The following CACNB2 variants were observed in gnomAD, a reference collection of about 807,000 sequenced individuals.
CACNB2 encodes the protein voltage-dependent L-type calcium channel subunit beta-2.
Under a neutral mutation model 73.3 loss-of-function variants are expected in CACNB2, and 42 were observed. The observed-to-expected ratio is 0.57, with a 90% CI of 0.45 to 0.74. The LOEUF is 0.74. Among genes scored for constraint, CACNB2 ranks in the 30% least tolerant of loss-of-function variants. CACNB2 has a pLI of 0.00. For synonymous variants in CACNB2, 348 were observed against 310.3 expected (o/e 1.12, Z -1.28); for missense variants, 940 against 853.0 (o/e 1.10, Z -1.27).
At chr10:18,406,634 G>C (rs1170451329) in intron 3 of CACNB2, among the ~76,000 whole-genome samples, 1 of 152,126 alleles carries the variant, frequency 6.6e-6, no homozygotes, top group African/African-American at 2.4e-5. Context: ...AACAAGCTCA[G>C]GGTTCCTACT....
chr10:18,164,876 C>T (rs2032739219), intron 2 of CACNB2, among the ~76,000 whole-genome samples: 1 of 152,176 alleles, frequency 6.6e-6, no homozygotes, highest in African/African-American at 2.4e-5. Flanking sequence ...CTTCCTGACT[C>T]TGCTAGACTT....
At chr10:18,382,455 T>A (rs1414269316) in intron 2 of CACNB2, among the ~76,000 whole-genome samples, 2 of 152,270 alleles carry the variant, frequency 1.3e-5, no homozygotes, top group East Asian at 3.9e-4. Context: ...ATGTGTGCCA[T>A]GGTGGTTTGC....
chr10:18,492,503 C>T (rs1023695797), intron 3 of CACNB2, among the ~76,000 whole-genome samples: 1 of 151,666 alleles, frequency 6.6e-6, no homozygotes. Flanking sequence ...CGCCTGTAGT[C>T]CCAACTACTT....
At chr10:18,145,815 A>G (rs2030908055) in intron 1 of CACNB2, among the ~76,000 whole-genome samples, 1 of 152,138 alleles carries the variant, frequency 6.6e-6, no homozygotes, top group Non-Finnish European at 1.5e-5. Flanking sequence ...ACATCACTTA[A>G]AGGAACCGGG....
At position 18,140,885 on chromosome 10, in the gene CACNB2, C is replaced by T. The variant is rs1187612593; in HGVS notation, c.120+29C>T. ...GCGAGAGCGCGGCGCCTTCTCCTTCCTTTGTGAGCCGCCGGGCAGGGCACC... is the reference window on the plus strand; with the variant it reads ...GCGAGAGCGCGGCGCCTTCTCCTTCTTTTGTGAGCCGCCGGGCAGGGCACC... On this transcript the variant is annotated intron_variant, in intron 1 of 13. Coordinates refer to ENST00000324631, the MANE Select transcript of CACNB2 (RefSeq NM_201596.3). 5 of 1,574,738 alleles carry T rather than the reference C, an allele frequency of 3.2e-6. No homozygotes were observed. In the Admixed American group the frequency reaches 5.6e-5, roughly 18 times the overall value.
In CACNB2 at chr10:18,177,108, C is replaced by T. The variant is rs1344649574; in HGVS notation, c.213+26133C>T. Among the ~76,000 whole-genome samples, 3 of 152,100 alleles carry T rather than the reference C, an allele frequency of 2.0e-5. No homozygotes were observed. The East Asian group carries it at 5.8e-4, about 29-fold the overall frequency. On this transcript the variant is annotated intron_variant, in intron 2 of 13. Coordinates refer to ENST00000324631, the MANE Select transcript of CACNB2 (RefSeq NM_201596.3). ...TTGCAAAGACATTTAGCAAGGAGAA[C>T]ATACAGAAGCAGAAGTGCCTGTTAG...
intron 3 of CACNB2, among the ~76,000 whole-genome samples, chr10:18,404,567 C>G (rs1222049305): frequency 6.6e-6 from 1 of 152,140 alleles, no homozygotes; most frequent in South Asian, 2.1e-4. Context: ...TCGTAACCAT[C>G]GAAGCATCTC....
rs2053969645 is a variant in CACNB2, at chr10:18,539,801, T to TG, written c.*81dup. On this transcript the variant is annotated 3_prime_UTR_variant, in exon 14 of 14. Transcript: ENST00000324631. ...AACAGCATCCCCAAAACAAAGTCTT[T>TG]GGGGTCTACACTGCAATCATATGTG... The TG allele has an allele frequency of 3.4e-6, 5 of 1,453,036 alleles. No individual in the cohort carries two copies. Among genetic ancestry groups the TG allele is most frequent in the Non-Finnish European group, 3.8e-6 (4 of 1,058,188 alleles). 90.0% of individuals were successfully genotyped at this position (1,453,036 alleles called of 1,614,324 possible). A position where few individuals can be genotyped will look rare whatever the true frequency, so the allele number is the denominator to read the frequency against.
chr10:18,356,277 A>G (rs538707672), intron 2 of CACNB2, among the ~76,000 whole-genome samples: 120 of 152,272 alleles, frequency 7.9e-4, no homozygotes, highest in African/African-American at 2.6e-3. Flanking sequence ...ACTTTGCATC[A>G]CGCTAGCTCT....
chr10:18,532,706 A>C lies in CACNB2; in HGVS notation c.1055-1370A>C, dbSNP rs11014694. Among the ~76,000 whole-genome samples the C allele has an allele frequency of 6.6e-3, 429 of 64,828 alleles. 2 individuals carry two copies. In the East Asian group the frequency reaches 0.14, roughly 21 times the overall value. The allele number at this position is 64,828 out of a possible 152,430, so 42.5% of individuals were successfully genotyped here. A position where few individuals can be genotyped will look rare whatever the true frequency, so the allele number is the denominator to read the frequency against. On this transcript the variant is annotated intron_variant, in intron 10 of 13. Transcript: ENST00000324631. ...AAAAAAAAAAAAAAAACAAAACAAA[A>C]AAACAAACAAACAAAAAAAACAAAA...
At chr10:18,483,623 A>T (rs1195026199) in intron 3 of CACNB2, among the ~76,000 whole-genome samples, 2 of 152,170 alleles carry the variant, frequency 1.3e-5, no homozygotes, top group Non-Finnish European at 2.9e-5. Context: ...ATAACTTCTG[A>T]TCGCTAGACC....
At chr10:18,344,459 T>C (rs11013733) in intron 2 of CACNB2, among the ~76,000 whole-genome samples, 9,314 of 151,930 alleles carry the variant, frequency 0.061, 647 homozygotes, top group African/African-American at 0.17. Flanking sequence ...AACCTCCACC[T>C]TTTGGTTAAA....
chr10:18,165,063 C>T (rs964562275), intron 2 of CACNB2, among the ~76,000 whole-genome samples: 4 of 151,990 alleles, frequency 2.6e-5, no homozygotes, highest in African/African-American at 7.3e-5. Context: ...ATGTGAAGTC[C>T]AGCATTACGA....
chr10:18,329,897 G>T (rs1271213825), intron 2 of CACNB2, among the ~76,000 whole-genome samples: 1 of 152,138 alleles, frequency 6.6e-6, no homozygotes, highest in Non-Finnish European at 1.5e-5. Flanking sequence ...GAGTGCAGTG[G>T]TGCGATCTCG....
At chr10:18,192,171 G>C (rs1293337506) in intron 2 of CACNB2, among the ~76,000 whole-genome samples, 2 of 151,888 alleles carry the variant, frequency 1.3e-5, no homozygotes, top group Non-Finnish European at 2.9e-5. Flanking sequence ...TCTGTTGTTT[G>C]GTATAGCTTT....
intron 10 of CACNB2, among the ~76,000 whole-genome samples, chr10:18,529,463 A>G (rs1005183943): frequency 6.6e-6 from 1 of 152,226 alleles, no homozygotes. Flanking sequence ...TCGAGCCATG[A>G]ACTGGCTGCC....
chr10:18,322,959 C>CTTTTTT (rs35664294), intron 2 of CACNB2, among the ~76,000 whole-genome samples: 3 of 106,326 alleles, frequency 2.8e-5, no homozygotes, highest in Non-Finnish European at 5.7e-5. Context: ...TGGTGATATT[C>CTTTTTT]TTTTTTTTTT....
intron 2 of CACNB2, among the ~76,000 whole-genome samples, chr10:18,382,983 G>A (rs894612484): frequency 6.6e-5 from 10 of 152,156 alleles, no homozygotes; most frequent in African/African-American, 2.4e-4. Context: ...TGTCTCTTCT[G>A]TGTTTTCCTA....
chr10:18,507,982 C>T (rs1293923725), intron 6 of CACNB2, among the ~76,000 whole-genome samples: 1 of 151,934 alleles, frequency 6.6e-6, no homozygotes, highest in Admixed American at 6.6e-5. Flanking sequence ...ACTATGTTGC[C>T]CAGGCTGTTC....
Sources: gnomAD v4.1 joint callset for allele counts (sites outside exome capture counted in the v4.1 genomes callset) on GRCh38, gnomAD v4.1.1 for gene constraint, MANE v1.5 for transcripts, NCBI Gene and HGNC (gene_info 2026-07-23, HGNC 2026-07-21) for gene names.